BOC: variants seen among roughly 807,000 people sequenced by gnomAD.
BOC encodes brother of CDO.
BOC carries 76 observed loss-of-function variants against 112.0 expected under a neutral mutation model. The ratio of observed to expected loss-of-function variants is 0.68; its 90% CI spans 0.56 to 0.82. The LOEUF is 0.82. Among genes scored for constraint, BOC ranks in the 40% least tolerant of loss-of-function variants. The pLI, the probability that BOC is intolerant of heterozygous loss-of-function variation, is 0.00. For missense variants in BOC, 1,309 were observed against 1,511.7 expected (o/e 0.87, Z 2.22); for synonymous variants, 580 against 599.8 (o/e 0.97, Z 0.48).
chr3:113,218,025 C>T (rs1939801484), intron 2 of BOC, among the ~76,000 whole-genome samples: 1 of 152,168 alleles, frequency 6.6e-6, no homozygotes, highest in Admixed American at 6.5e-5. Context: ...AAATCATTCC[C>T]ACAGTACCAA....
chr3:113,226,456 C>A (rs1438886081), intron 2 of BOC, among the ~76,000 whole-genome samples: 1 of 152,186 alleles, frequency 6.6e-6, no homozygotes, highest in African/African-American at 2.4e-5. Context: ...ATGTCCCTCT[C>A]CAGAAAAAGC....
intron 2 of BOC, among the ~76,000 whole-genome samples, chr3:113,237,961 A>G (rs1231252309): frequency 1.3e-5 from 2 of 152,196 alleles, no homozygotes; most frequent in Non-Finnish European, 1.5e-5. Flanking sequence ...CTTGCCTTCA[A>G]TGAGTTTATT....
At chr3:113,271,177 C>T (rs1172245002) in intron 6 of BOC, 9 of 689,684 alleles carry the variant, frequency 1.3e-5, no homozygotes, top group South Asian at 3.0e-5. Context: ...TGCTGCCACA[C>T]CTGCCTGATG....
chr3:113,280,015 C>T lies in BOC; in HGVS notation c.2205+10C>T. On this transcript the variant is annotated intron_variant, in intron 13 of 19. Transcript: ENST00000682979. Reference sequence around the variant, plus strand: ...CATGCTCAAGTGGATGGTAAGCGGGCCTGGCCGTGGACTGCAGTGGAAGAC... The same window carrying T: ...CATGCTCAAGTGGATGGTAAGCGGGTCTGGCCGTGGACTGCAGTGGAAGAC... 6 of 1,596,496 alleles carry T rather than the reference C, an allele frequency of 3.8e-6. No individual in the cohort carries two copies. Among genetic ancestry groups the T allele is most frequent in the Non-Finnish European group, 5.1e-6 (6 of 1,169,388 alleles).
At chr3:113,269,512 G>C (rs963410537) in intron 5 of BOC, 6 of 151,854 alleles carry the variant, frequency 4.0e-5, no homozygotes, top group African/African-American at 1.5e-4. Flanking sequence ...CTGAGTGACA[G>C]AGTGAGACTC....
intron 6 of BOC, chr3:113,272,119 T>G: frequency 2.1e-6 from 1 of 487,780 alleles, no homozygotes; most frequent in Non-Finnish European, 3.7e-6. Flanking sequence ...CCCTCACCTT[T>G]CTCTCTTTGC....
At chr3:113,227,416 C>T (rs890500063) in intron 2 of BOC, among the ~76,000 whole-genome samples, 1 of 152,144 alleles carries the variant, frequency 6.6e-6, no homozygotes, top group Non-Finnish European at 1.5e-5. Context: ...ATAGGGAAGC[C>T]CCAGAAAGAT....
chr3:113,263,197 C>T (rs2936724), intron 4 of BOC, among the ~76,000 whole-genome samples: 1,602 of 152,234 alleles, frequency 0.011, 33 homozygotes, highest in African/African-American at 0.037. Flanking sequence ...TGCCAGTGGC[C>T]CTGAGGCTGC....
chr3:113,238,144 T>C (rs1943822076), intron 2 of BOC, among the ~76,000 whole-genome samples: 1 of 152,076 alleles, frequency 6.6e-6, no homozygotes, highest in African/African-American at 2.4e-5. Flanking sequence ...GATTTAAAGA[T>C]AATTAGGAGT....
chr3:113,267,557 C>A (rs115126776), intron 4 of BOC, among the ~76,000 whole-genome samples: 1 of 152,268 alleles, frequency 6.6e-6, no homozygotes, highest in African/African-American at 2.4e-5. Flanking sequence ...CTTAGAAAAC[C>A]CTTAGGGTAT....
At chr3:113,237,061 G>C (rs1473576280) in intron 2 of BOC, among the ~76,000 whole-genome samples, 3 of 152,218 alleles carry the variant, frequency 2.0e-5, no homozygotes, top group Non-Finnish European at 4.4e-5. Flanking sequence ...ACCTGATCCT[G>C]CTGAGCTCCA....
intron 2 of BOC, among the ~76,000 whole-genome samples, chr3:113,230,516 A>G (rs1942442759): frequency 1.3e-5 from 2 of 152,210 alleles, no homozygotes; most frequent in Admixed American, 6.5e-5. Context: ...AAGTTCCTTA[A>G]TCTCTTTGAG....
chr3:113,223,741 A>G (rs1941166340), intron 2 of BOC, among the ~76,000 whole-genome samples: 3 of 152,086 alleles, frequency 2.0e-5, no homozygotes, highest in South Asian at 2.1e-4. Context: ...TCACTTGGCA[A>G]TCCCCTTCAG....
chr3:113,274,414 C>G lies in BOC; in HGVS notation c.1274C>G (p.Thr425Ser), dbSNP rs766612660. 33 of 1,577,800 alleles carry G rather than the reference C, an allele frequency of 2.1e-5. No homozygotes were observed. The South Asian group carries it at 3.7e-4, about 17-fold the overall frequency. The stretch of plus-strand genomic sequence containing the variant: ...CTATGGCAGGATGCTGAGCTGGCTA[C>G]TGGCACACCTCCTGTATCACCCTCC... ...PRLWQDAELA[T>S]GTPPVSPSKL... The change falls in exon 9 of 20, where the codon ACT (threonine) becomes AGT (serine). Residue 425 changes from threonine (T) to serine (S), a missense_variant. Transcript: ENST00000682979. The surrounding 1 kb of genome is among the most constrained non-coding windows in gnomAD (Gnocchi z 4.8).
chr3:113,250,572 A>G lies in BOC; in HGVS notation c.115A>G (p.Thr39Ala), dbSNP rs760173507. The G allele has an allele frequency of 1.1e-5, 18 of 1,612,696 alleles. No individual in the cohort carries two copies. In the South Asian group the frequency reaches 1.8e-4, roughly 16 times the overall value. ...FADLNEVPQV[T>A]VQPASTVQKP... The stretch of plus-strand genomic sequence containing the variant: ...TCCTCCAGACGAGGTCCCTCAGGTC[A>G]CCGTCCAGCCTGCGTCCACCGTCCA... Residue 39 changes from threonine to alanine, a missense_variant, in exon 4 of 20, where the codon ACC becomes GCC. Coordinates refer to ENST00000682979, the MANE Select transcript of BOC (RefSeq NM_001378074.1).
At chr3:113,275,605 G>C (rs1035042551) in intron 9 of BOC, among the ~76,000 whole-genome samples, 2 of 152,174 alleles carry the variant, frequency 1.3e-5, no homozygotes, top group Non-Finnish European at 2.9e-5. Context: ...TTTAAAAATT[G>C]TATGTGATAA....
intron 2 of BOC, 131 bp from the exon 3 acceptor site, chr3:113,249,591 A>G (rs1421420249): frequency 8.2e-6 from 4 of 487,592 alleles, no homozygotes; most frequent in African/African-American, 2.0e-5. Context: ...GTCTTCCAGC[A>G]GCATGACCGG....
intron 5 of BOC, among the ~76,000 whole-genome samples, chr3:113,269,204 C>T (rs927958681): frequency 6.6e-6 from 1 of 152,130 alleles, no homozygotes; most frequent in Non-Finnish European, 1.5e-5. Flanking sequence ...TTCATTTTTC[C>T]CTCTCCCCGT....
intron 2 of BOC, among the ~76,000 whole-genome samples, chr3:113,221,195 C>T (rs1488809775): frequency 1.3e-5 from 2 of 152,082 alleles, no homozygotes; most frequent in Non-Finnish European, 2.9e-5. Context: ...ACACGAAATG[C>T]GTTGGGAGCA....
Sources: gnomAD v4.1 joint callset for allele counts (sites outside exome capture counted in the v4.1 genomes callset) on GRCh38, gnomAD v4.1.1 for gene constraint, Gnocchi (gnomAD v3.1) non-coding constraint, MANE v1.5 for transcripts, NCBI Gene and HGNC (gene_info 2026-07-23, HGNC 2026-07-21) for gene names.